ALPL: variants seen among roughly 807,000 people sequenced by gnomAD.
ALPL encodes the protein alkaline phosphatase, biomineralization associated.
ALPL carries 42 observed loss-of-function variants against 51.3 expected under a neutral mutation model. The ratio of observed to expected loss-of-function variants is 0.82; its 90% CI spans 0.64 to 1.06. The LOEUF is 1.06. Ranked by LOEUF, ALPL falls within the 50% of genes least tolerant of loss-of-function variation. The pLI, the probability that ALPL is intolerant of heterozygous loss-of-function variation, is 0.00. For missense variants in ALPL, 589 were observed against 709.4 expected (o/e 0.83, Z 1.93); for synonymous variants, 279 against 296.4 (o/e 0.94, Z 0.60).
chr1:21,524,298 G>A (rs1480323747), intron 1 of ALPL, among the ~76,000 whole-genome samples: 3 of 151,990 alleles, frequency 2.0e-5, no homozygotes, highest in African/African-American at 7.3e-5. Flanking sequence ...TACTGCGCCC[G>A]GCCCAAATCT....
At chr1:21,550,372 C>T (rs952087693) in intron 1 of ALPL, among the ~76,000 whole-genome samples, 22 of 152,108 alleles carry the variant, frequency 1.4e-4, no homozygotes, top group African/African-American at 4.1e-4. Flanking sequence ...GGCAAGTCTC[C>T]GTCCAGAGCC....
chr1:21,562,512 A>C (rs1318111202), intron 4 of ALPL, among the ~76,000 whole-genome samples: 1 of 152,058 alleles, frequency 6.6e-6, no homozygotes, highest in Non-Finnish European at 1.5e-5. Flanking sequence ...AGTGGGGACT[A>C]TGGTGCCTTC....
rs111238731 is a variant in ALPL at position 21,509,772 on chromosome 1, C to T, written c.-105+255C>T. On this transcript the variant is annotated intron_variant, in intron 1 of 11. Transcript: ENST00000374840. This position sits in a 1 kb window ranked among gnomAD's most constrained non-coding sequence, Gnocchi z 6.0. ...TTGGACGTGGCGCCCGCGGAGCCGGCGAACTCAGGGGACCGCGCTCGGGAC... is the reference window on the plus strand; with the variant it reads ...TTGGACGTGGCGCCCGCGGAGCCGGTGAACTCAGGGGACCGCGCTCGGGAC... Among the ~76,000 whole-genome samples the T allele has an allele frequency of 6.6e-6, 1 of 152,050 alleles. No individual in the cohort carries two copies. The highest frequency in any genetic ancestry group is 1.5e-5 in the Non-Finnish European group (1 of 67,988).
chr1:21,545,435 C>T (rs151226398), intron 1 of ALPL, among the ~76,000 whole-genome samples: 41 of 152,234 alleles, frequency 2.7e-4, no homozygotes, highest in Middle Eastern at 3.4e-3. Context: ...GGATTACAGG[C>T]GCCTGCCACC....
chr1:21,548,001 C>G (rs1265667336), intron 1 of ALPL, among the ~76,000 whole-genome samples: 2 of 152,226 alleles, frequency 1.3e-5, no homozygotes, highest in Non-Finnish European at 2.9e-5. Context: ...GCCCCCTGCA[C>G]TGAACTGCCA....
At chr1:21,544,622 T>C (rs1446141241) in intron 1 of ALPL, among the ~76,000 whole-genome samples, 1 of 152,204 alleles carries the variant, frequency 6.6e-6, no homozygotes, top group African/African-American at 2.4e-5. Context: ...GGCATGCGCC[T>C]GTAGTCCCAG....
intron 2 of ALPL, among the ~76,000 whole-genome samples, chr1:21,557,839 C>A (rs897842343): frequency 6.6e-6 from 1 of 152,128 alleles, no homozygotes; most frequent in Admixed American, 6.5e-5. Flanking sequence ...AACCGCCACC[C>A]AGATCAAGAC....
At chr1:21,566,930 C>T (rs1281262712) in intron 6 of ALPL, among the ~76,000 whole-genome samples, 2 of 152,178 alleles carry the variant, frequency 1.3e-5, no homozygotes, top group Non-Finnish European at 2.9e-5. Flanking sequence ...ACTGGGCTCA[C>T]AGAGTTTAGG....
In ALPL at chr1:21,578,258, TCA is replaced by T. The variant is rs1644769306; in HGVS notation, c.*614_*615del. The T allele has an allele frequency of 6.4e-6, 1 of 155,078 alleles. No homozygotes were observed. The highest frequency in any genetic ancestry group is 2.0e-4 in the South Asian group (1 of 4,990). The allele number at this position is 155,078 out of a possible 1,614,324, so 9.6% of individuals were successfully genotyped here. On this transcript the variant is annotated 3_prime_UTR_variant, in exon 12 of 12. Transcript: ENST00000374840. The surrounding 1 kb of genome is among the most constrained non-coding windows in gnomAD (Gnocchi z 4.2). The stretch of plus-strand genomic sequence containing the variant: ...GCCGGGAAGAGCCACCTGGCAGGGC[TCA>T]CACTCCTGGGCTCTGAACACACACG...
intron 1 of ALPL, among the ~76,000 whole-genome samples, chr1:21,513,227 G>A (rs1643726618): frequency 6.6e-6 from 1 of 152,172 alleles, no homozygotes; most frequent in South Asian, 2.1e-4. Flanking sequence ...CCAGAGAGGA[G>A]AAGAGGCTTG....
chr1:21,512,434 T>C (rs16825460), intron 1 of ALPL, among the ~76,000 whole-genome samples: 2,414 of 152,338 alleles, frequency 0.016, 40 homozygotes, highest in African/African-American at 0.048. Context: ...ATTGATGTTA[T>C]TAAGACATTC....
Position 21,577,635 on chromosome 1 carries a change from G to A in ALPL, c.1562G>A (p.Ser521Asn), listed in dbSNP as rs368326384. Residue 521 changes from serine (S) to asparagine (N), a missense_variant, in exon 12 of 12, where the codon AGC (serine) becomes AAC (asparagine). Physicochemically the swap from Ser to Asn is conservative, Grantham distance 46. Coordinates refer to ENST00000374840, the MANE Select transcript of ALPL (RefSeq NM_000478.6). ...LLLALALYPLSVLF is the reference protein window; with the variant it reads ...LLLALALYPLNVLF Reference sequence around the variant, plus strand: ...CTCGCGCTGGCCCTCTACCCCCTGAGCGTCCTGTTCTGAGGGCCCAGGGCC... The same window carrying A: ...CTCGCGCTGGCCCTCTACCCCCTGAACGTCCTGTTCTGAGGGCCCAGGGCC... 49 of 1,598,276 alleles carry A rather than the reference G, an allele frequency of 3.1e-5. No homozygotes were observed. Among genetic ancestry groups the A allele is most frequent in the Non-Finnish European group, 4.1e-5 (48 of 1,179,164 alleles).
rs74679289 is a variant in ALPL, at chr1:21,518,883, C to T, written c.-105+9366C>T. Among the ~76,000 whole-genome samples, 889 of 152,258 alleles carry T rather than the reference C, an allele frequency of 5.8e-3. 13 individuals are homozygous for T. Among genetic ancestry groups the T allele is most frequent in the African/African-American group, 0.02 (830 of 41,540 alleles). ...CCTGGGCCCTACAGTGTGGCAAAAC[C>T]GACCCGCCCACAAACTCCATCCCAG... is the stretch of plus-strand genomic sequence containing the variant. On this transcript the variant is annotated intron_variant, in intron 1 of 11. Coordinates refer to ENST00000374840, the MANE Select transcript of ALPL (RefSeq NM_000478.6).
intron 1 of ALPL, among the ~76,000 whole-genome samples, chr1:21,534,781 G>C (rs1432683313): frequency 6.6e-6 from 1 of 152,202 alleles, no homozygotes; most frequent in African/African-American, 2.4e-5. Context: ...TGACATGCAT[G>C]GACTTGAGAG....
At chr1:21,511,483 C>T (rs1434753990) in intron 1 of ALPL, among the ~76,000 whole-genome samples, 1 of 152,220 alleles carries the variant, frequency 6.6e-6, no homozygotes, top group Non-Finnish European at 1.5e-5. Context: ...CTATCCTCAG[C>T]TCTCTTCTCA....
chr1:21,561,239 A>C (rs1203281306), intron 4 of ALPL, 27 bp downstream of exon 4: 2 of 1,558,254 alleles, frequency 1.3e-6, no homozygotes, highest in Non-Finnish European at 1.8e-6. Context: ...AGCCCAGTTC[A>C]GGTCTGTATA....
At chr1:21,540,927 C>A (rs930002327) in intron 1 of ALPL, among the ~76,000 whole-genome samples, 5 of 152,282 alleles carry the variant, frequency 3.3e-5, no homozygotes, top group African/African-American at 1.2e-4. Context: ...AGAGAGAGAT[C>A]TGGTTCTCTT....
intron 4 of ALPL, among the ~76,000 whole-genome samples, chr1:21,561,701 C>T (rs1395217181): frequency 1.5e-5 from 2 of 129,302 alleles, no homozygotes; most frequent in Non-Finnish European, 3.1e-5. Flanking sequence ...CAGTCTTACT[C>T]TGTCTTCCAG....
In ALPL at chr1:21,564,322, C is replaced by T. The variant is rs1316717026; in HGVS notation, c.648+106C>T. 7.1e-7 allele frequency: 1 copy of T among 1,406,502 alleles called. No individual in the cohort carries two copies. Among genetic ancestry groups the T allele is most frequent in the East Asian group, 2.3e-5 (1 of 43,126 alleles). 87.1% of individuals were successfully genotyped at this position (1,406,502 alleles called of 1,614,324 possible). ...CCGGAGAAAGCAGCCTGGCCTGGCT[C>T]CCCACACACCTGGGAGGCTCCCAGC... On this transcript the variant is annotated intron_variant, in intron 6 of 11. Coordinates refer to ENST00000374840, the MANE Select transcript of ALPL (RefSeq NM_000478.6). The surrounding 1 kb of genome is among the most constrained non-coding windows in gnomAD (Gnocchi z 5.8).
Sources: gnomAD v4.1 joint callset for allele counts (sites outside exome capture counted in the v4.1 genomes callset) on GRCh38, gnomAD v4.1.1 for gene constraint, Gnocchi (gnomAD v3.1) non-coding constraint, MANE v1.5 for transcripts, NCBI Gene and HGNC (gene_info 2026-07-23, HGNC 2026-07-21) for gene names.